FMN2: variants seen among roughly 807,000 people sequenced by gnomAD.
The protein encoded by FMN2 is formin-2.
A neutral mutation model predicts 142.3 loss-of-function variants in FMN2; 51 were observed. That is an observed-to-expected ratio of 0.36 (90% CI 0.29 to 0.45). FMN2 has a LOEUF of 0.45. FMN2 is among the 20% of genes least tolerant of loss of function. The probability of loss-of-function intolerance (pLI) is 1.00; values close to 1 mark genes in which losing one functional copy is unlikely to be tolerated. For synonymous variants in FMN2, 882 were observed against 869.8 expected, an observed-to-expected ratio of 1.01 and a Z score of -0.25; for missense variants, 1,936 against 2,122.8, an observed-to-expected ratio of 0.91 and a Z score of 1.73.
intron 15 of FMN2, among the ~76,000 whole-genome samples, chr1:240,435,813 AACTG>A (rs1675348863): frequency 2.0e-5 from 3 of 152,206 alleles, no homozygotes; most frequent in South Asian, 2.1e-4. Context: ...GTTGCAAGAT[AACTG>A]ACTGGGTGAA....
intron 13 of FMN2, among the ~76,000 whole-genome samples, chr1:240,348,227 T>G (rs12131264): frequency 0.18 from 27,690 of 150,390 alleles, 2,818 homozygotes; most frequent in Admixed American, 0.29. Flanking sequence ...TTTTTACTTT[T>G]TTTTTTTTTT....
rs181510072 is a variant in FMN2 at position 240,193,197 on chromosome 1, G to C, written c.1986+4935G>C. Among the ~76,000 whole-genome samples, 3 of 152,234 alleles carry C rather than the reference G, an allele frequency of 2.0e-5. No homozygotes were observed. The East Asian group carries it at 5.8e-4, about 29-fold the overall frequency. Reference sequence around the variant, plus strand: ...CAGTCCAAGCAGCTAATCCAATGGGGGTCGTGGAGCTGATAAAAGTTCTCT... The same window carrying C: ...CAGTCCAAGCAGCTAATCCAATGGGCGTCGTGGAGCTGATAAAAGTTCTCT... On this transcript the variant is annotated intron_variant, in intron 4 of 17. Transcript: ENST00000319653.
intron 14 of FMN2, among the ~76,000 whole-genome samples, chr1:240,384,113 A>G (rs1673326040): frequency 6.6e-6 from 1 of 152,132 alleles, no homozygotes; most frequent in South Asian, 2.1e-4. Flanking sequence ...ACACATGGAC[A>G]TAAAGATGGA....
At chr1:240,353,755 A>G (rs1320091483) in intron 13 of FMN2, among the ~76,000 whole-genome samples, 1 of 152,160 alleles carries the variant, frequency 6.6e-6, no homozygotes, top group Non-Finnish European at 1.5e-5. Flanking sequence ...AGTACAGGTA[A>G]CATGCTTAAT....
chr1:240,161,511 C>T (rs537688628), intron 2 of FMN2, among the ~76,000 whole-genome samples: 16 of 147,620 alleles, frequency 1.1e-4, no homozygotes, highest in South Asian at 8.6e-4. Flanking sequence ...CCAGCCTGGG[C>T]GACAGAGGGA....
chr1:240,431,452 T>C (rs893230392), intron 15 of FMN2, among the ~76,000 whole-genome samples: 2 of 145,634 alleles, frequency 1.4e-5, no homozygotes, highest in Admixed American at 6.7e-5. Flanking sequence ...ATATATGTTT[T>C]ATTTCTTCCT....
At chr1:240,149,236 G>GTTTA (rs1663659874) in intron 2 of FMN2, among the ~76,000 whole-genome samples, 1 of 152,062 alleles carries the variant, frequency 6.6e-6, no homozygotes, top group South Asian at 2.1e-4. Flanking sequence ...TGTCTGTAAG[G>GTTTA]TTTATATTCT....
At chr1:240,460,150 G>C (rs1018576720) in intron 16 of FMN2, among the ~76,000 whole-genome samples, 9 of 152,120 alleles carry the variant, frequency 5.9e-5, no homozygotes, top group African/African-American at 2.2e-4. Context: ...GTGTTTCCAC[G>C]ACTACTTTTG....
At chr1:240,115,485 A>C (rs925235618) in intron 1 of FMN2, among the ~76,000 whole-genome samples, 1 of 152,206 alleles carries the variant, frequency 6.6e-6, no homozygotes, top group Admixed American at 6.5e-5. Context: ...TTTAAAGATC[A>C]CTGACACACA....
chr1:240,451,539 GC>G (rs754578059), intron 16 of FMN2, among the ~76,000 whole-genome samples: 4 of 151,998 alleles, frequency 2.6e-5, no homozygotes, highest in Non-Finnish European at 4.4e-5. Flanking sequence ...GAGATGATTG[GC>G]GTGTTCCCCA....
chr1:240,238,131 G>A (rs957084118), intron 6 of FMN2, among the ~76,000 whole-genome samples: 5 of 152,200 alleles, frequency 3.3e-5, no homozygotes, highest in East Asian at 1.9e-4. Context: ...TATACTTATC[G>A]AAAATTCAAA....
At chr1:240,141,392 T>C (rs946976728) in intron 2 of FMN2, among the ~76,000 whole-genome samples, 3 of 152,108 alleles carry the variant, frequency 2.0e-5, no homozygotes, top group Non-Finnish European at 4.4e-5. Context: ...CACTCTGTCA[T>C]CCAGTTTGGA....
chr1:240,142,674 T>A (rs2103255244), intron 2 of FMN2: 3 of 1,609,536 alleles, frequency 1.9e-6, no homozygotes, highest in Non-Finnish European at 2.5e-6. Context: ...CACTTAGAGA[T>A]CATAATTGGG....
Position 240,092,403 on chromosome 1 carries a change from G to A in FMN2, c.294G>A (p.Leu98=). ...KGAGGSREDV[L]DSQALQTGEL... ...CCGGCGGCTCCCGCGAAGATGTACT[G>A]GATTCCCAGGCCCTGCAGACCGGGG... The change falls in exon 1 of 18, where the codon CTG becomes CTA. Residue 98 remains leucine, a synonymous_variant. Coordinates refer to ENST00000319653, the MANE Select transcript of FMN2 (RefSeq NM_020066.5). 1 of 1,612,752 alleles carries A rather than the reference G, an allele frequency of 6.2e-7. No individual in the cohort carries two copies. Among genetic ancestry groups the A allele is most frequent in the Non-Finnish European group, 8.5e-7 (1 of 1,179,658 alleles).
chr1:240,102,844 AG>A (rs1168071580), intron 1 of FMN2, among the ~76,000 whole-genome samples: 3 of 151,908 alleles, frequency 2.0e-5, no homozygotes, highest in Non-Finnish European at 4.4e-5. Context: ...ACGTGATATC[AG>A]TAAAAAGGTG....
At chr1:240,298,971 G>A (rs1445948840) in intron 8 of FMN2, among the ~76,000 whole-genome samples, 1 of 149,796 alleles carries the variant, frequency 6.7e-6, no homozygotes, top group Non-Finnish European at 1.5e-5. Flanking sequence ...TTTTTTTTGA[G>A]GTGGAGTCTC....
chr1:240,440,625 C>T (rs1446709032), intron 16 of FMN2, among the ~76,000 whole-genome samples: 1 of 152,174 alleles, frequency 6.6e-6, no homozygotes, highest in African/African-American at 2.4e-5. Context: ...CTCTTGACTT[C>T]AGACTTCTCA....
chr1:240,373,709 C>A (rs370635542), intron 14 of FMN2, among the ~76,000 whole-genome samples: 4 of 152,198 alleles, frequency 2.6e-5, no homozygotes, highest in Non-Finnish European at 4.4e-5. Context: ...ACCATTTCTT[C>A]AGTTCTTTCC....
At chr1:240,375,298 A>G (rs1015288279) in intron 14 of FMN2, among the ~76,000 whole-genome samples, 23 of 152,214 alleles carry the variant, frequency 1.5e-4, no homozygotes, top group African/African-American at 5.3e-4. Flanking sequence ...TGAGCACATG[A>G]TGTTGTAAAA....
Sources: allele counts gnomAD v4.1 joint callset (sites outside exome capture counted in the v4.1 genomes callset), GRCh38; gene constraint gnomAD v4.1.1; transcripts MANE v1.5; gene names NCBI Gene and HGNC (gene_info 2026-07-23, HGNC 2026-07-21).